The following C2CD3 variants were observed in gnomAD, a reference collection of about 807,000 sequenced individuals.
C2CD3 encodes C2 domain-containing protein 3.
Under a neutral mutation model 234.0 loss-of-function variants are expected in C2CD3, and 148 were observed. That is an observed-to-expected ratio of 0.63 (90% CI 0.55 to 0.72). The LOEUF is 0.72. C2CD3 is among the 30% of genes least tolerant of loss of function. C2CD3 has a pLI of 0.00. For missense variants in C2CD3, 2,577 were observed against 2,811.5 expected (o/e 0.92, Z 1.89); for synonymous variants, 1,000 against 1,035.4 (o/e 0.97, Z 0.66).
chr11:74,066,350 C>T (rs1954537577), intron 24 of C2CD3, among the ~76,000 whole-genome samples: 2 of 148,400 alleles, frequency 1.3e-5, no homozygotes, highest in African/African-American at 2.5e-5. Flanking sequence ...CACATGTATA[C>T]ATATGTAACA....
At chr11:74,079,571 G>T (rs758380331) in intron 22 of C2CD3, among the ~76,000 whole-genome samples, 1 of 150,736 alleles carries the variant, frequency 6.6e-6, no homozygotes, top group African/African-American at 2.4e-5. Context: ...CAGAAATTCT[G>T]CTAGCCCTTT....
Position 74,078,429 on chromosome 11 carries a change from T to C in C2CD3, c.4289A>G (p.His1430Arg). The C allele has an allele frequency of 1.2e-6, 2 of 1,614,206 alleles. No individual in the cohort carries two copies. Among genetic ancestry groups the C allele is most frequent in the Non-Finnish European group, 1.7e-6 (2 of 1,180,034 alleles). ...CVLLAGHNHI[H>R]KNTYCYLRYK... ...GCGAAGGTAGCAATATGTATTCTTA[T>C]GAATGTGGTTGTGGCCAGCAAGCAG... The change falls in exon 23 of 33, where the codon CAT becomes CGT. Residue 1430 changes from histidine (H) to arginine (R), a missense_variant. By Grantham distance (29) the His-to-Arg change is conservative. Coordinates refer to ENST00000334126, the MANE Select transcript of C2CD3 (RefSeq NM_001286577.2).
chr11:74,116,451 C>A (rs1956928840), intron 9 of C2CD3, among the ~76,000 whole-genome samples: 1 of 151,248 alleles, frequency 6.6e-6, no homozygotes, highest in East Asian at 1.9e-4. Flanking sequence ...GCAAGAATGG[C>A]CATAATAAAA....
At chr11:74,043,723 G>A (rs184853314) in intron 28 of C2CD3, among the ~76,000 whole-genome samples, 1 of 151,576 alleles carries the variant, frequency 6.6e-6, no homozygotes, top group East Asian at 1.9e-4. Context: ...ATCTTTTACT[G>A]TGATTATTGG....
At chr11:74,039,246 C>A (rs1952896714) in intron 29 of C2CD3, among the ~76,000 whole-genome samples, 1 of 152,194 alleles carries the variant, frequency 6.6e-6, no homozygotes, top group Non-Finnish European at 1.5e-5. Flanking sequence ...CCTATGAACA[C>A]CAAGCTGTAC....
intron 24 of C2CD3, among the ~76,000 whole-genome samples, chr11:74,061,486 A>G (rs554981300): frequency 4.3e-4 from 65 of 152,364 alleles, no homozygotes; most frequent in African/African-American, 1.4e-3. Context: ...ATTCTCAAAG[A>G]AAAGAATTTT....
At chr11:74,029,287 T>C (rs1952426708) in intron 31 of C2CD3, among the ~76,000 whole-genome samples, 1 of 152,244 alleles carries the variant, frequency 6.6e-6, no homozygotes, top group Non-Finnish European at 1.5e-5. Flanking sequence ...CTCACTCCAA[T>C]TTGCTTACCA....
chr11:74,127,867 CTT>C (rs1184737721), intron 7 of C2CD3, among the ~76,000 whole-genome samples: 4 of 142,818 alleles, frequency 2.8e-5, no homozygotes, highest in Non-Finnish European at 1.5e-5. Flanking sequence ...TGTATATTGG[CTT>C]TTTTTTTTTT....
intron 22 of C2CD3, among the ~76,000 whole-genome samples, chr11:74,081,172 TG>T (rs1377357719): frequency 6.6e-6 from 1 of 152,148 alleles, no homozygotes; most frequent in Admixed American, 6.6e-5. Flanking sequence ...ACCAATTTAA[TG>T]AATTCCTACC....
intron 3 of C2CD3, among the ~76,000 whole-genome samples, chr11:74,150,081 A>T (rs910794468): frequency 6.6e-6 from 1 of 152,080 alleles, no homozygotes; most frequent in African/African-American, 2.4e-5. Flanking sequence ...GTGCTCTAAA[A>T]TGTCACAATG....
Position 74,062,375 on chromosome 11 carries a change from T to C in C2CD3, c.4952-4831A>G, listed in dbSNP as rs1954289870. On this transcript the variant is annotated intron_variant, in intron 24 of 32. Transcript: ENST00000334126. ...CTAAAATTGACCACATAGTTGGAAG[T>C]AAAGCACTCCTCGGCAAATGTAAAG... Among the ~76,000 whole-genome samples, 3 of 152,300 alleles carry C rather than the reference T, an allele frequency of 2.0e-5. No individual in the cohort carries two copies. In the South Asian group the frequency reaches 6.2e-4, roughly 32 times the overall value.
intron 7 of C2CD3, among the ~76,000 whole-genome samples, chr11:74,125,817 T>C (rs567432195): frequency 5.3e-5 from 8 of 152,294 alleles, no homozygotes; most frequent in Non-Finnish European, 2.9e-5. Flanking sequence ...AAAATTTCCT[T>C]TGAGAGAACT....
At chr11:74,074,626 G>T (rs766167229) in intron 23 of C2CD3, 26 bp from the exon 24 acceptor site, 2 of 1,563,440 alleles carry the variant, frequency 1.3e-6, no homozygotes. Flanking sequence ...GAAGAATAAG[G>T]CTAGTCAAGC....
At chr11:74,063,355 T>C (rs1216805358) in intron 24 of C2CD3, among the ~76,000 whole-genome samples, 1 of 152,190 alleles carries the variant, frequency 6.6e-6, no homozygotes, top group Admixed American at 6.5e-5. Flanking sequence ...ATATCCCTGA[T>C]GAACATCAAT....
intron 7 of C2CD3, among the ~76,000 whole-genome samples, chr11:74,128,151 C>T (rs1240218122): frequency 6.6e-6 from 1 of 152,202 alleles, no homozygotes; most frequent in African/African-American, 2.4e-5. Flanking sequence ...GCGTGAGCCA[C>T]CACGCCCAGC....
intron 9 of C2CD3, among the ~76,000 whole-genome samples, chr11:74,116,872 A>C (rs1417228048): frequency 7.4e-6 from 1 of 135,082 alleles, no homozygotes; most frequent in African/African-American, 2.7e-5. Context: ...ACACGTGTAT[A>C]TGTATATATA....
At chr11:74,073,839 T>C (rs1954909385) in intron 24 of C2CD3, among the ~76,000 whole-genome samples, 1 of 152,190 alleles carries the variant, frequency 6.6e-6, no homozygotes, top group Non-Finnish European at 1.5e-5. Context: ...TATTTTCCTA[T>C]CCAAGGCCAC....
chr11:74,159,450 G>A (rs1856287697), intron 3 of C2CD3, among the ~76,000 whole-genome samples: 1 of 152,082 alleles, frequency 6.6e-6, no homozygotes, highest in Non-Finnish European at 1.5e-5. Flanking sequence ...ACAAGATATG[G>A]AGGTGGAAGA....
intron 16 of C2CD3, among the ~76,000 whole-genome samples, chr11:74,097,797 A>T (rs983127919): frequency 6.6e-6 from 1 of 152,212 alleles, no homozygotes; most frequent in Non-Finnish European, 1.5e-5. Flanking sequence ...TTTCTTTATA[A>T]ATTCAGGGAG....
Sources: allele counts gnomAD v4.1 joint callset (sites outside exome capture counted in the v4.1 genomes callset), GRCh38; gene constraint gnomAD v4.1.1; transcripts MANE v1.5; gene names NCBI Gene and HGNC (gene_info 2026-07-23, HGNC 2026-07-21).